Variants in MYO3B observed in about 807,000 individuals in gnomAD.
MYO3B encodes the protein myosin-IIIb.
Under a neutral mutation model 174.6 loss-of-function variants are expected in MYO3B, and 156 were observed. The ratio of observed to expected loss-of-function variants is 0.89; its 90% CI spans 0.78 to 1.02. The LOEUF (loss-of-function observed/expected upper bound fraction) is 1.02. Among genes scored for constraint, MYO3B ranks in the 50% least tolerant of loss-of-function variants. MYO3B has a pLI of 0.00. For synonymous variants in MYO3B, 563 were observed against 569.1 expected (o/e 0.99, Z 0.15); for missense variants, 1,632 against 1,639.4 (o/e 1.00, Z 0.08).
At chr2:170,590,614 T>G (rs1559141198) in intron 32 of MYO3B, among the ~76,000 whole-genome samples, 2 of 148,220 alleles carry the variant, frequency 1.3e-5, no homozygotes, top group African/African-American at 5.1e-5. Flanking sequence ...TTTTTTTGCC[T>G]CAAAACTCTC....
At chr2:170,487,023 A>G (rs1575059796) in intron 25 of MYO3B, among the ~76,000 whole-genome samples, 1 of 152,352 alleles carries the variant, frequency 6.6e-6, no homozygotes, top group Admixed American at 6.5e-5. Context: ...TAGACTCCCA[A>G]GGTCCAGCCC....
intron 32 of MYO3B, among the ~76,000 whole-genome samples, chr2:170,610,994 C>T (rs1022999369): frequency 6.6e-6 from 1 of 152,144 alleles, no homozygotes; most frequent in Non-Finnish European, 1.5e-5. Flanking sequence ...AGTTGCAGAT[C>T]CATGAGACCA....
At chr2:170,277,749 C>A (rs10930413) in intron 7 of MYO3B, among the ~76,000 whole-genome samples, 68,628 of 152,000 alleles carry the variant, frequency 0.45, 17,514 homozygotes, top group African/African-American at 0.69. Context: ...ACAGAGAATG[C>A]AATCTGTTGA....
At chr2:170,604,845 G>T (rs6734692) in intron 32 of MYO3B, among the ~76,000 whole-genome samples, 68 of 152,300 alleles carry the variant, frequency 4.5e-4, no homozygotes, top group African/African-American at 1.2e-3. Context: ...TAGTTCTCAA[G>T]TCTCCATTTT....
intron 32 of MYO3B, among the ~76,000 whole-genome samples, chr2:170,561,643 G>T (rs1691717813): frequency 6.6e-6 from 1 of 152,168 alleles, no homozygotes; most frequent in South Asian, 2.1e-4. Context: ...TTGACTAATT[G>T]TAAAGACTAT....
At chr2:170,496,757 G>A (rs1322886749) in intron 25 of MYO3B, among the ~76,000 whole-genome samples, 1 of 151,898 alleles carries the variant, frequency 6.6e-6, no homozygotes, top group Non-Finnish European at 1.5e-5. Context: ...CTCCCAGGTA[G>A]CTGGGACTAC....
chr2:170,256,512 C>A (rs1391868071), intron 7 of MYO3B, among the ~76,000 whole-genome samples: 1 of 152,018 alleles, frequency 6.6e-6, no homozygotes, highest in Non-Finnish European at 1.5e-5. Flanking sequence ...AAATTCTAAC[C>A]AAGAATTTCA....
intron 8 of MYO3B, among the ~76,000 whole-genome samples, chr2:170,346,919 G>A (rs919415793): frequency 2.6e-5 from 4 of 152,128 alleles, no homozygotes; most frequent in African/African-American, 9.7e-5. Flanking sequence ...CATTTACTAT[G>A]GGTCTGAACT....
intron 7 of MYO3B, among the ~76,000 whole-genome samples, chr2:170,258,273 G>A (rs2105344735): frequency 6.6e-6 from 1 of 152,076 alleles, no homozygotes; most frequent in South Asian, 2.1e-4. Context: ...GAAAACGTCA[G>A]GCCAGTATCC....
chr2:170,308,942 G>A (rs2093719242), intron 7 of MYO3B, among the ~76,000 whole-genome samples: 1 of 152,104 alleles, frequency 6.6e-6, no homozygotes, highest in African/African-American at 2.4e-5. Context: ...GAGGGGCCTG[G>A]GGTTAGACTG....
chr2:170,489,904 AC>A (rs1686347444), intron 25 of MYO3B, among the ~76,000 whole-genome samples: 1 of 151,468 alleles, frequency 6.6e-6, no homozygotes, highest in African/African-American at 2.4e-5. Context: ...GTCTTCTTTA[AC>A]TTTTTTTAGC....
Position 170,361,822 on chromosome 2 carries a change from C to T in MYO3B, c.816-7400C>T, listed in dbSNP as rs542226358. 3.3e-5 allele frequency among the ~76,000 whole-genome samples: 5 copies of T among 152,324 alleles called. No individual in the cohort carries two copies. The East Asian group carries it at 9.6e-4, about 29-fold the overall frequency. On this transcript the variant is annotated intron_variant, in intron 8 of 34. Coordinates refer to ENST00000408978, the MANE Select transcript of MYO3B (RefSeq NM_138995.5). ...TTTTGTCTATAGTATAGTCTCCTTT[C>T]CTCTGTTCCTCCTCACTGTGGCTCT...
intron 16 of MYO3B, among the ~76,000 whole-genome samples, chr2:170,398,009 G>T (rs942767426): frequency 5.0e-4 from 76 of 152,090 alleles, no homozygotes; most frequent in African/African-American, 1.5e-3. Flanking sequence ...ATCACCTGAG[G>T]TCAGGAGTTC....
chr2:170,567,730 C>T (rs755310706), intron 32 of MYO3B, among the ~76,000 whole-genome samples: 1 of 152,154 alleles, frequency 6.6e-6, no homozygotes, highest in South Asian at 2.1e-4. Flanking sequence ...AACTGAGTAT[C>T]ACTGTGAGAA....
intron 3 of MYO3B, among the ~76,000 whole-genome samples, chr2:170,213,683 A>G (rs1363521812): frequency 6.6e-6 from 1 of 152,188 alleles, no homozygotes; most frequent in Non-Finnish European, 1.5e-5. Flanking sequence ...TTCAGTTAAG[A>G]TACAATATAT....
chr2:170,452,119 A>G (rs1022227008), intron 23 of MYO3B, among the ~76,000 whole-genome samples: 1 of 152,058 alleles, frequency 6.6e-6, no homozygotes, highest in African/African-American at 2.4e-5. Context: ...CATAACAGCC[A>G]ATATCCCTTA....
At position 170,646,926 on chromosome 2, in the gene MYO3B, T is replaced by C. The variant is rs183795511; in HGVS notation, c.3734-4702T>C. On this transcript the variant is annotated intron_variant, in intron 32 of 34. Transcript: ENST00000408978. ...CGCCTCAGCCTTTCCACATTACGGA[T>C]GTAACTTTTATGGGTATATATCTTT... is the stretch of plus-strand genomic sequence containing the variant. 12 of 1,360,100 alleles carry C rather than the reference T, an allele frequency of 8.8e-6. No homozygotes were observed. The African/African-American group carries it at 1.8e-4, about 20-fold the overall frequency. 84.3% of individuals were successfully genotyped at this position (1,360,100 alleles called of 1,614,324 possible).
intron 3 of MYO3B, among the ~76,000 whole-genome samples, chr2:170,208,555 A>G (rs1280924446): frequency 2.6e-5 from 4 of 152,216 alleles, no homozygotes; most frequent in East Asian, 1.9e-4. Flanking sequence ...TACATCACCT[A>G]TCCCTTTTAT....
chr2:170,443,443 C>A (rs1345657721), intron 22 of MYO3B, among the ~76,000 whole-genome samples: 1 of 152,042 alleles, frequency 6.6e-6, no homozygotes. Flanking sequence ...CTGTAGGTTG[C>A]CTGTTCACTC....
Sources: gnomAD v4.1 joint callset for allele counts (sites outside exome capture counted in the v4.1 genomes callset) on GRCh38, gnomAD v4.1.1 for gene constraint, MANE v1.5 for transcripts, NCBI Gene and HGNC (gene_info 2026-07-23, HGNC 2026-07-21) for gene names.